The following ERP44 variants were observed in gnomAD, a reference collection of about 807,000 sequenced individuals.
ERP44 encodes endoplasmic reticulum resident protein 44.
A neutral mutation model predicts 53.4 loss-of-function variants in ERP44; 25 were observed. The observed-to-expected ratio is 0.47, with a 90% CI of 0.34 to 0.65. The LOEUF is 0.65. Among genes scored for constraint, ERP44 ranks in the 30% least tolerant of loss-of-function variants. ERP44 has a pLI of 0.01. For synonymous variants in ERP44, 145 were observed against 161.2 expected, an observed-to-expected ratio of 0.90 and a Z score of 0.76; for missense variants, 338 against 493.2, an observed-to-expected ratio of 0.69 and a Z score of 2.98.
intron 1 of ERP44, among the ~76,000 whole-genome samples, chr9:100,079,920 G>A (rs1443703547): frequency 6.8e-6 from 1 of 146,292 alleles, no homozygotes; most frequent in Non-Finnish European, 1.5e-5. Flanking sequence ...GGGTGACAGA[G>A]TGAGTGCTGT....
At chr9:100,097,643 C>A (rs1587989783) in intron 1 of ERP44, among the ~76,000 whole-genome samples, 2 of 152,260 alleles carry the variant, frequency 1.3e-5, no homozygotes, top group Admixed American at 6.5e-5. Flanking sequence ...TTTTTGTTCT[C>A]AAAAGTACTT....
chr9:100,012,194 A>C, intron 8 of ERP44, among the ~76,000 whole-genome samples: 1 of 152,208 alleles, frequency 6.6e-6, no homozygotes, highest in Non-Finnish European at 1.5e-5. Context: ...AGTCTTCTAT[A>C]ATTCAAAATT....
At chr9:100,072,616 T>C (rs7045612) in intron 1 of ERP44, among the ~76,000 whole-genome samples, 141,833 of 152,222 alleles carry the variant, frequency 0.93, 66,170 homozygotes, top group African/African-American at 0.97. Context: ...TTCGCCTCCC[T>C]GGTTCAAGCG....
chr9:100,090,111 G>A (rs1269181851), intron 1 of ERP44, among the ~76,000 whole-genome samples: 3 of 152,136 alleles, frequency 2.0e-5, no homozygotes, highest in African/African-American at 7.2e-5. Context: ...GAAAGTTTGA[G>A]GAATGAGTCC....
intron 1 of ERP44, among the ~76,000 whole-genome samples, chr9:100,079,320 C>A (rs1352600860): frequency 6.6e-6 from 1 of 152,136 alleles, no homozygotes; most frequent in East Asian, 1.9e-4. Flanking sequence ...AGCTTTCGCA[C>A]TCAGACTGGC....
At chr9:100,086,200 C>T (rs1826480406) in intron 1 of ERP44, among the ~76,000 whole-genome samples, 1 of 152,202 alleles carries the variant, frequency 6.6e-6, no homozygotes, top group Non-Finnish European at 1.5e-5. Context: ...TTCATTTATA[C>T]CACTTACAGG....
intron 4 of ERP44, among the ~76,000 whole-genome samples, chr9:100,047,248 T>C (rs1175989894): frequency 1.3e-5 from 2 of 152,180 alleles, no homozygotes; most frequent in Non-Finnish European, 2.9e-5. Flanking sequence ...ACAGTAAGAC[T>C]GCACCAACAT....
intron 4 of ERP44, among the ~76,000 whole-genome samples, chr9:100,051,711 G>A (rs776750000): frequency 6.6e-6 from 1 of 152,180 alleles, no homozygotes; most frequent in Non-Finnish European, 1.5e-5. Context: ...AGAGAGGAAA[G>A]TTCAAGTATA....
At position 99,980,080 on chromosome 9, in the gene ERP44, T is replaced by C. The variant is rs1830132482; in HGVS notation, c.*2532A>G. ...GATTATTCCCTCTCAGCCAGATCCC[T>C]ACCTCCTGAGAACACCTATTCATCT... On this transcript the variant is annotated 3_prime_UTR_variant, in exon 12 of 12. Transcript: ENST00000262455. The C allele has an allele frequency of 5.0e-6, 2 of 398,436 alleles. No homozygotes were observed. The highest frequency in any genetic ancestry group is 8.8e-6 in the Non-Finnish European group (2 of 226,002). The allele number at this position is 398,436 out of a possible 1,614,324, so 24.7% of individuals were successfully genotyped here. A position where few individuals can be genotyped will look rare whatever the true frequency, so the allele number is the denominator to read the frequency against.
intron 1 of ERP44, among the ~76,000 whole-genome samples, chr9:100,072,485 T>TA (rs747552354): frequency 1.3e-5 from 2 of 152,110 alleles, no homozygotes; most frequent in Admixed American, 6.5e-5. Flanking sequence ...CTCATTTTTC[T>TA]AAAAAACAGA....
intron 9 of ERP44, among the ~76,000 whole-genome samples, chr9:100,007,361 CA>C (rs1212513878): frequency 6.6e-6 from 1 of 152,130 alleles, no homozygotes; most frequent in African/African-American, 2.4e-5. Flanking sequence ...TTTTTCTCTC[CA>C]AAATAGTAAT....
chr9:100,025,683 T>C (rs1336911302), intron 4 of ERP44, among the ~76,000 whole-genome samples: 1 of 152,008 alleles, frequency 6.6e-6, no homozygotes, highest in Non-Finnish European at 1.5e-5. Context: ...AACAAACAAC[T>C]GAAATGGTGA....
chr9:99,995,807 T>G (rs891722417), intron 10 of ERP44, among the ~76,000 whole-genome samples: 1 of 152,216 alleles, frequency 6.6e-6, no homozygotes, highest in African/African-American at 2.4e-5. Flanking sequence ...GTATCTTGCC[T>G]ATTGTGAATA....
At chr9:99,984,358 A>G (rs1256043850) in intron 11 of ERP44, among the ~76,000 whole-genome samples, 1 of 152,168 alleles carries the variant, frequency 6.6e-6, no homozygotes, top group Non-Finnish European at 1.5e-5. Context: ...TACAGTAGGA[A>G]CATAGAAATT....
intron 1 of ERP44, among the ~76,000 whole-genome samples, chr9:100,068,548 G>T (rs1337493645): frequency 7.1e-6 from 1 of 140,814 alleles, no homozygotes; most frequent in Non-Finnish European, 1.6e-5. Flanking sequence ...CCGGCCAGCC[G>T]CCCCGTCGGG....
intron 9 of ERP44, among the ~76,000 whole-genome samples, chr9:100,006,958 AGTTCAAGTT>A (rs1373969622): frequency 6.6e-6 from 1 of 152,214 alleles, no homozygotes; most frequent in South Asian, 2.1e-4. Context: ...CTAGGCAGGA[AGTTCAAGTT>A]GATATATGAG....
chr9:100,060,481 A>G (rs1203284225), intron 1 of ERP44, among the ~76,000 whole-genome samples: 2 of 152,244 alleles, frequency 1.3e-5, no homozygotes, highest in African/African-American at 4.8e-5. Flanking sequence ...AGAACTTTAT[A>G]GCACCACAAG....
chr9:100,089,731 A>G (rs970019292), intron 1 of ERP44, among the ~76,000 whole-genome samples: 2 of 152,176 alleles, frequency 1.3e-5, no homozygotes, highest in Non-Finnish European at 2.9e-5. Context: ...AATCTTCTAT[A>G]AAGAAACTGT....
chr9:99,986,843 T>C (rs1021495938), intron 10 of ERP44, among the ~76,000 whole-genome samples: 2 of 152,190 alleles, frequency 1.3e-5, no homozygotes, highest in African/African-American at 2.4e-5. Context: ...GAGATAAACA[T>C]TGAGAGGAGA....
Sources: gnomAD v4.1 joint callset for allele counts (sites outside exome capture counted in the v4.1 genomes callset) on GRCh38, gnomAD v4.1.1 for gene constraint, MANE v1.5 for transcripts, NCBI Gene and HGNC (gene_info 2026-07-23, HGNC 2026-07-21) for gene names.